The following SNRPN variants were observed in gnomAD, a reference collection of about 807,000 sequenced individuals.
The protein encoded by SNRPN is small nuclear ribonucleoprotein-associated protein N.
In SNRPN, 7 loss-of-function variants were observed where a neutral mutation model predicts 25.2. The observed-to-expected ratio is 0.28, with a 90% CI of 0.16 to 0.52. SNRPN has a LOEUF of 0.52. Ranked by LOEUF, SNRPN falls within the 20% of genes least tolerant of loss-of-function variation. SNRPN has a pLI of 0.96. For missense variants in SNRPN, 196 were observed against 322.5 expected, an observed-to-expected ratio of 0.61 and a Z score of 3.00; for synonymous variants, 124 against 110.6, an observed-to-expected ratio of 1.12 and a Z score of -0.76.
chr15:24,961,473 C>T (rs542103637), intron 1 of SNRPN, among the ~76,000 whole-genome samples: 32 of 152,172 alleles, frequency 2.1e-4, no homozygotes, highest in Admixed American at 3.9e-4. Context: ...TATGGCTAGT[C>T]TGGTGTGGGA....
At chr15:24,961,327 AATT>A (rs2074771853) in intron 1 of SNRPN, among the ~76,000 whole-genome samples, 1 of 152,206 alleles carries the variant, frequency 6.6e-6, no homozygotes, top group Non-Finnish European at 1.5e-5. Context: ...GGGTTCAGAG[AATT>A]ATTAATAGCT....
At chr15:24,924,845 G>T (rs138489962) in intron 3 of SNRPN, among the ~76,000 whole-genome samples, 3 of 152,166 alleles carry the variant, frequency 2.0e-5, no homozygotes, top group African/African-American at 7.2e-5. Flanking sequence ...CAGGCAGGAA[G>T]AAAGAAAAGA....
intron 2 of SNRPN, among the ~76,000 whole-genome samples, chr15:24,915,847 A>T (rs2059477157): frequency 6.6e-6 from 1 of 151,708 alleles, no homozygotes; most frequent in Non-Finnish European, 1.5e-5. Flanking sequence ...AAATTATAAA[A>T]CTCCTTGTGA....
At chr15:24,882,607 A>G (rs1566866199) in intron 1 of SNRPN, among the ~76,000 whole-genome samples, 1 of 151,998 alleles carries the variant, frequency 6.6e-6, no homozygotes, top group Non-Finnish European at 1.5e-5. Context: ...CAGGTGGATC[A>G]TGAGGTCAGG....
At position 24,978,265 on chromosome 15, in the gene SNRPN, C is replaced by T. The variant is rs764893207; in HGVS notation, c.632C>T (p.Thr211Met). 6 of 1,613,908 alleles carry T rather than the reference C, an allele frequency of 3.7e-6. No individual in the cohort carries two copies. The South Asian group carries it at 4.4e-5, about 12-fold the overall frequency. ...PPIGLPPARG[T>M]PIGMPPPGMR... The stretch of plus-strand genomic sequence containing the variant: ...ATTGGGCTTCCCCCTGCTCGAGGGA[C>T]GCCAATAGGCATGCCGCCTCCGGGA... The change falls in exon 9 of 10, where the codon ACG (threonine) becomes ATG (methionine). Residue 211 changes from threonine (T) to methionine (M), a missense_variant. Transcript: ENST00000390687.
chr15:24,824,408 G>T (rs8036523), intron 1 of SNRPN, among the ~76,000 whole-genome samples: 80,596 of 151,766 alleles, frequency 0.53, 22,057 homozygotes, highest in East Asian at 0.81. Context: ...GCATATTTGA[G>T]TATTTTCACT....
intron 1 of SNRPN, among the ~76,000 whole-genome samples, chr15:24,871,739 C>G (rs530888110): frequency 4.0e-5 from 6 of 150,936 alleles, no homozygotes; most frequent in South Asian, 2.1e-4. Context: ...AAGTCTCGCT[C>G]TGTTGCCCAG....
chr15:24,946,535 T>A (rs1354964795), intron 3 of SNRPN, among the ~76,000 whole-genome samples: 1 of 152,236 alleles, frequency 6.6e-6, no homozygotes, highest in Admixed American at 6.5e-5. Flanking sequence ...AGTGATGTAA[T>A]CATGGCTCGT....
At chr15:24,944,066 T>G (rs191982) in intron 3 of SNRPN, among the ~76,000 whole-genome samples, 1 of 151,944 alleles carries the variant, frequency 6.6e-6, no homozygotes, top group African/African-American at 2.4e-5. Flanking sequence ...AAGTGATCTA[T>G]CTGCCTCAGC....
At chr15:24,898,796 C>A (rs12901775) in intron 2 of SNRPN, among the ~76,000 whole-genome samples, 16 of 151,768 alleles carry the variant, frequency 1.1e-4, no homozygotes, top group African/African-American at 3.6e-4. Context: ...TGAAGTCCCA[C>A]GGAGTCAAAG....
chr15:24,968,644 A>C (rs1268867582), intron 3 of SNRPN, among the ~76,000 whole-genome samples: 1 of 152,184 alleles, frequency 6.6e-6, no homozygotes, highest in Non-Finnish European at 1.5e-5. Context: ...AATATGGTTT[A>C]TGTCAGTGAA....
At position 24,976,405 on chromosome 15, in the gene SNRPN, C is replaced by G; in HGVS notation, c.256C>G (p.Pro86Ala). The change falls in exon 6 of 10, where the codon CCC becomes GCC. Residue 86 changes from proline to alanine, a missense_variant. Physicochemically the swap from Pro to Ala is conservative, Grantham distance 27. Transcript: ENST00000390687. ...NLVSMTVEGPPPKDTGIARVP... is the reference protein window; with the variant it reads ...NLVSMTVEGPAPKDTGIARVP... ...GGTATCCATGACTGTGGAGGGGCCA[C>G]CCCCCAAAGATGTAAGGAAGATGTA... The G allele has an allele frequency of 2.5e-6, 4 of 1,604,650 alleles. No homozygotes were observed. The highest frequency in any genetic ancestry group is 3.4e-6 in the Non-Finnish European group (4 of 1,173,496).
intron 1 of SNRPN, among the ~76,000 whole-genome samples, chr15:24,958,461 A>G (rs1348174333): frequency 1.1e-5 from 1 of 92,722 alleles, no homozygotes; most frequent in Non-Finnish European, 2.2e-5. Flanking sequence ...GCCTCTCTCC[A>G]TTTCTGGATG....
chr15:24,926,312 A>T (rs1249705314), intron 3 of SNRPN, among the ~76,000 whole-genome samples: 1 of 152,198 alleles, frequency 6.6e-6, no homozygotes, highest in African/African-American at 2.4e-5. Context: ...TACATAGTTA[A>T]AAATCAAAAT....
chr15:24,963,046 A>G (rs1027251438), intron 2 of SNRPN, among the ~76,000 whole-genome samples: 6 of 152,184 alleles, frequency 3.9e-5, no homozygotes, highest in African/African-American at 1.4e-4. Flanking sequence ...TTAAGTAAAT[A>G]GCCATCAGAC....
intron 1 of SNRPN, among the ~76,000 whole-genome samples, chr15:24,872,245 G>A (rs919405572): frequency 8.6e-6 from 1 of 115,694 alleles, no homozygotes; most frequent in African/African-American, 3.0e-5. Context: ...TCAGCTCACT[G>A]CAACCTCTGC....
chr15:24,977,044 G>A lies in SNRPN; in HGVS notation c.420+15G>A. The A allele has an allele frequency of 1.5e-5, 24 of 1,549,888 alleles. No individual in the cohort carries two copies. The highest frequency in any genetic ancestry group is 2.0e-5 in the Non-Finnish European group (23 of 1,152,302). On this transcript the variant is annotated intron_variant, in intron 7 of 9. Transcript: ENST00000390687. The stretch of plus-strand genomic sequence containing the variant: ...CATCCCAGCAGGTGAGGAACCAGCA[G>A]AGGGTTTTATATTATTGGGAGAATA...
chr15:24,966,388 G>T (rs180901262), intron 2 of SNRPN, among the ~76,000 whole-genome samples: 1 of 152,092 alleles, frequency 6.6e-6, no homozygotes, highest in African/African-American at 2.4e-5. Context: ...GCACATTAGC[G>T]TATATCACCA....
At chr15:24,859,114 T>C (rs56155619) in intron 1 of SNRPN, among the ~76,000 whole-genome samples, 29,697 of 151,966 alleles carry the variant, frequency 0.2, 3,101 homozygotes, top group East Asian at 0.39. Flanking sequence ...CCTCCACCAA[T>C]GGGAAAAGGG....
Sources: allele counts gnomAD v4.1 joint callset (sites outside exome capture counted in the v4.1 genomes callset), GRCh38; gene constraint gnomAD v4.1.1; transcripts MANE v1.5; gene names NCBI Gene and HGNC (gene_info 2026-07-23, HGNC 2026-07-21).